Variants in ZMAT4 observed in about 807,000 individuals in gnomAD.
ZMAT4 encodes zinc finger matrin-type protein 4.
In ZMAT4, 17 loss-of-function variants were observed where a neutral mutation model predicts 28.7. The observed-to-expected ratio is 0.59, with a 90% CI of 0.41 to 0.89. The LOEUF (loss-of-function observed/expected upper bound fraction) is 0.89, where lower values mean the gene tolerates loss of function less well. Ranked by LOEUF, ZMAT4 falls within the 40% of genes least tolerant of loss-of-function variation. The pLI is 0.00. For synonymous variants in ZMAT4, 117 were observed against 109.2 expected (o/e 1.07, Z -0.44); for missense variants, 240 against 283.8 (o/e 0.85, Z 1.11).
chr8:40,818,669 T>C (rs1424749807), intron 2 of ZMAT4, among the ~76,000 whole-genome samples: 1 of 152,206 alleles, frequency 6.6e-6, no homozygotes, highest in Non-Finnish European at 1.5e-5. Context: ...CCTTGAACAC[T>C]TCACCTGCAT....
chr8:40,654,353 C>A (rs1807822706), intron 5 of ZMAT4, among the ~76,000 whole-genome samples: 1 of 152,140 alleles, frequency 6.6e-6, no homozygotes, highest in Admixed American at 6.5e-5. Context: ...TGCAATGAGG[C>A]ACTTCCCTTG....
intron 3 of ZMAT4, among the ~76,000 whole-genome samples, chr8:40,710,822 C>T (rs1810581758): frequency 6.6e-6 from 1 of 151,976 alleles, no homozygotes; most frequent in Non-Finnish European, 1.5e-5. Context: ...CACTCTGCCT[C>T]CAGGCTGGAG....
intron 5 of ZMAT4, among the ~76,000 whole-genome samples, chr8:40,597,927 CT>C (rs1343491322): frequency 2.0e-5 from 3 of 152,126 alleles, no homozygotes. Context: ...AAAACCAATG[CT>C]TATGGATGAG....
intron 3 of ZMAT4, among the ~76,000 whole-genome samples, chr8:40,718,821 T>G (rs1292560441): frequency 6.6e-6 from 1 of 152,198 alleles, no homozygotes; most frequent in Non-Finnish European, 1.5e-5. Context: ...CACAAGATAA[T>G]GACTTCCAAA....
chr8:40,677,971 C>CT (rs2150476304), intron 4 of ZMAT4, among the ~76,000 whole-genome samples: 1 of 152,250 alleles, frequency 6.6e-6, no homozygotes, highest in South Asian at 2.1e-4. Flanking sequence ...TGTGTCCAGA[C>CT]TGTGCCCCAG....
At chr8:40,753,276 T>C (rs980463724) in intron 3 of ZMAT4, among the ~76,000 whole-genome samples, 36 of 152,160 alleles carry the variant, frequency 2.4e-4, no homozygotes, top group African/African-American at 8.4e-4. Context: ...AAAGACCATG[T>C]TCTCTCAGAC....
intron 3 of ZMAT4, among the ~76,000 whole-genome samples, chr8:40,763,895 T>C (rs945926230): frequency 1.3e-5 from 2 of 152,148 alleles, no homozygotes; most frequent in Admixed American, 1.3e-4. Flanking sequence ...GGAATTATCT[T>C]AACCCCACAT....
intron 6 of ZMAT4, among the ~76,000 whole-genome samples, chr8:40,538,562 CTT>C (rs1044875587): frequency 9.9e-5 from 15 of 152,078 alleles, no homozygotes; most frequent in African/African-American, 3.1e-4. Flanking sequence ...GAGTTTAACT[CTT>C]TTTGTCGACG....
intron 3 of ZMAT4, 104 bp from the exon 4 acceptor site, chr8:40,697,505 G>T (rs1245200308): frequency 3.4e-6 from 4 of 1,185,548 alleles, no homozygotes; most frequent in African/African-American, 1.9e-5. Flanking sequence ...TCTAGTTTTT[G>T]TTCTGCAAGC....
intron 5 of ZMAT4, among the ~76,000 whole-genome samples, chr8:40,584,514 G>A (rs1245080539): frequency 6.6e-6 from 1 of 152,082 alleles, no homozygotes; most frequent in Non-Finnish European, 1.5e-5. Context: ...AGTAGCAAAG[G>A]ACTCTACTAC....
intron 5 of ZMAT4, among the ~76,000 whole-genome samples, chr8:40,615,176 C>T (rs1356749449): frequency 6.6e-5 from 10 of 152,160 alleles, no homozygotes; most frequent in East Asian, 1.9e-4. Context: ...ATTTCTCCTT[C>T]ACTTATGAAG....
chr8:40,653,848 A>G (rs1207746421), intron 5 of ZMAT4, among the ~76,000 whole-genome samples: 2 of 152,198 alleles, frequency 1.3e-5, no homozygotes, highest in Non-Finnish European at 2.9e-5. Context: ...AAAAGTTAAC[A>G]CCAATCCTTC....
chr8:40,655,059 T>TACACACACACACACACACACACACACAC (rs3038823), intron 5 of ZMAT4, among the ~76,000 whole-genome samples: 2 of 148,792 alleles, frequency 1.3e-5, no homozygotes, highest in African/African-American at 4.9e-5. Flanking sequence ...AAGGAATACC[T>TACACACACACACACACACACACACACAC]ACACACACAC....
At chr8:40,679,241 T>TA (rs1235170889) in intron 4 of ZMAT4, among the ~76,000 whole-genome samples, 1 of 152,186 alleles carries the variant, frequency 6.6e-6, no homozygotes, top group Non-Finnish European at 1.5e-5. Flanking sequence ...TTGTCTTGAG[T>TA]AATACTATAA....
chr8:40,570,381 T>C (rs1216715811), intron 6 of ZMAT4, among the ~76,000 whole-genome samples: 1 of 152,156 alleles, frequency 6.6e-6, no homozygotes. Flanking sequence ...TGTATTCAAC[T>C]GCAGCTTAAT....
chr8:40,859,063 C>T (rs1817398106), intron 1 of ZMAT4, among the ~76,000 whole-genome samples: 1 of 152,224 alleles, frequency 6.6e-6, no homozygotes, highest in Non-Finnish European at 1.5e-5. Flanking sequence ...TATGTAAATG[C>T]TGTTTCTTCC....
chr8:40,678,271 T>C (rs1255364971), intron 4 of ZMAT4, among the ~76,000 whole-genome samples: 1 of 152,234 alleles, frequency 6.6e-6, no homozygotes, highest in Non-Finnish European at 1.5e-5. Flanking sequence ...TTACTTGCCT[T>C]TTTAAAACCC....
chr8:40,576,745 C>T (rs1349332166), intron 6 of ZMAT4, among the ~76,000 whole-genome samples: 2 of 151,994 alleles, frequency 1.3e-5, no homozygotes, highest in African/African-American at 4.8e-5. Context: ...GACAGATAAA[C>T]AAAAGAGAAA....
At chr8:40,882,014 T>C (rs1449810911) in intron 1 of ZMAT4, among the ~76,000 whole-genome samples, 1 of 151,924 alleles carries the variant, frequency 6.6e-6, no homozygotes, top group East Asian at 1.9e-4. Flanking sequence ...CCAACATCAA[T>C]CCCTGCACCA....
Sources: gnomAD v4.1 joint callset for allele counts (sites outside exome capture counted in the v4.1 genomes callset) on GRCh38, gnomAD v4.1.1 for gene constraint, MANE v1.5 for transcripts, NCBI Gene and HGNC (gene_info 2026-07-23, HGNC 2026-07-21) for gene names.